Variants in EEF1B2 observed in about 807,000 individuals in gnomAD.
EEF1B2 encodes eukaryotic translation elongation factor 1 beta 2, also known as elongation factor 1-beta.
A neutral mutation model predicts 28.3 loss-of-function variants in EEF1B2; 12 were observed. That is an observed-to-expected ratio of 0.42 (90% CI 0.27 to 0.69). The LOEUF is 0.69. EEF1B2 is among the 30% of genes least tolerant of loss of function. EEF1B2 has a pLI of 0.22. For synonymous variants in EEF1B2, 83 were observed against 99.9 expected (o/e 0.83, Z 1.01); for missense variants, 234 against 272.6 (o/e 0.86, Z 1.00).
intron 1 of EEF1B2, 149 bp from the exon 2 acceptor site, chr2:206,160,439 T>C: frequency 7.2e-7 from 1 of 1,390,170 alleles, no homozygotes; most frequent in Non-Finnish European, 9.7e-7. Flanking sequence ...ATGGTTTGAT[T>C]TGAAGGAGCT....
At chr2:206,162,684 C>G (rs868231442) in intron 5 of EEF1B2, 45 bp from the exon 6 acceptor site, 20 of 1,460,494 alleles carry the variant, frequency 1.4e-5, no homozygotes, top group Non-Finnish European at 1.8e-5. Context: ...TCAACCTTTC[C>G]TACAAGACTT....
intron 5 of EEF1B2, 37 bp from the exon 6 acceptor site, chr2:206,162,692 C>T: frequency 6.2e-7 from 1 of 1,611,062 alleles, no homozygotes. Flanking sequence ...TCCTACAAGA[C>T]TTTTCTAACT....
Position 206,160,642 on chromosome 2 carries a change from G to A in EEF1B2, c.135G>A (p.Pro45=), listed in dbSNP as rs752150272. Residue 45 remains proline (P), a synonymous_variant, in exon 2 of 6, where the codon CCG becomes CCA. Transcript: ENST00000392222. ...TATTTGAAGCCGTGTCCAGCCCACCGCCTGCCGACTTGTGTCATGCCCTAC... is the reference window on the plus strand; with the variant it reads ...TATTTGAAGCCGTGTCCAGCCCACCACCTGCCGACTTGTGTCATGCCCTAC... The part of the protein sequence containing the change: ...VAVFEAVSSP[P]PADLCHALRW... The A allele has an allele frequency of 2.5e-6, 4 of 1,613,724 alleles. No individual in the cohort carries two copies. Among genetic ancestry groups the A allele is most frequent in the Non-Finnish European group, 3.4e-6 (4 of 1,179,962 alleles).
At chr2:206,161,894 TAAA>T (rs1687945075) in intron 3 of EEF1B2, 141 bp from the exon 4 acceptor site, 1 of 796,394 alleles carries the variant, frequency 1.3e-6, no homozygotes. Flanking sequence ...GCATGATGAA[TAAA>T]ATCAAATCAC....
rs2105784757 is a variant in EEF1B2, at chr2:206,160,598, T to G, written c.91T>G (p.Ser31Ala). 6.2e-7 allele frequency: 1 copy of G among 1,613,934 alleles called. No individual in the cohort carries two copies. The highest frequency in any genetic ancestry group is 8.5e-7 in the Non-Finnish European group (1 of 1,179,984). The change falls in exon 2 of 6, where the codon TCA becomes GCA. Residue 31 changes from serine (S) to alanine (A), a missense_variant. Coordinates refer to ENST00000392222, the MANE Select transcript of EEF1B2 (RefSeq NM_001959.4). ...DKSYIEGYVPSQADVAVFEAV... is the reference protein window; with the variant it reads ...DKSYIEGYVPAQADVAVFEAV... ...CTGTGTCCTTGGCAGGTATGTGCCA[T>G]CACAAGCAGATGTGGCAGTATTTGA... is the stretch of plus-strand genomic sequence containing the variant.
In EEF1B2 at chr2:206,159,907, C is replaced by T. The variant is rs770771125; in HGVS notation, c.-73C>T. ...GGTCTCTTCGGGTCCTTTTTCCTCT[C>T]TTCAGCGTGGGGCGCCCACAATTTG... On this transcript the variant is annotated 5_prime_UTR_variant, in exon 1 of 6. Coordinates refer to ENST00000392222, the MANE Select transcript of EEF1B2 (RefSeq NM_001959.4). 58 of 1,564,108 alleles carry T rather than the reference C, an allele frequency of 3.7e-5. No homozygotes were observed. The highest frequency in any genetic ancestry group is 8.3e-5 in the African/African-American group (6 of 72,358).
intron 4 of EEF1B2, 146 bp downstream of exon 4, chr2:206,162,250 C>G (rs1248660608): frequency 3.7e-6 from 4 of 1,071,028 alleles, no homozygotes; most frequent in Non-Finnish European, 5.8e-6. Flanking sequence ...TGGTCTGCAG[C>G]TGTTCTTATG....
Position 206,162,869 on chromosome 2 carries a change from T to C in EEF1B2, c.664T>C (p.Phe222Leu). 6.3e-7 allele frequency: 1 copy of C among 1,593,244 alleles called. No individual in the cohort carries two copies. Among genetic ancestry groups the C allele is most frequent in the East Asian group, 2.2e-5 (1 of 44,852 alleles). Residue 222 changes from phenylalanine to leucine, a missense_variant, in exon 6 of 6, where the codon TTC becomes CTC. Physicochemically the swap from Phe to Leu is conservative, Grantham distance 22. Around this residue, in one of 2 missense-constraint regions of EEF1B2, gnomAD observed 56 missense variants for 99.3 expected, o/e 0.56. Coordinates refer to ENST00000392222, the MANE Select transcript of EEF1B2 (RefSeq NM_001959.4). ...DYVQSMDVAA[F>L]NKI Reference sequence around the variant, plus strand: ...TGTGCAGTCCATGGATGTGGCTGCTTTCAACAAGATCTAAAATCCATCCTG... The same window carrying C: ...TGTGCAGTCCATGGATGTGGCTGCTCTCAACAAGATCTAAAATCCATCCTG...
In EEF1B2 at chr2:206,160,694, G is replaced by A. The variant is rs748907418; in HGVS notation, c.187G>A (p.Glu63Lys). Residue 63 changes from glutamate (E) to lysine (K), a missense_variant, in exon 2 of 6, where the codon GAA becomes AAA. This residue lies in a region of EEF1B2 where 178 missense variants were observed against 173.3 expected (regional missense o/e 1.03). Coordinates refer to ENST00000392222, the MANE Select transcript of EEF1B2 (RefSeq NM_001959.4). ...LRWYNHIKSY[E>K]KEKASLPGVK... ...TTGGTATAATCACATCAAGTCTTAC[G>A]AAAAGGAAAAGGCCAGGTAAAATCA... 18 of 1,613,896 alleles carry A rather than the reference G, an allele frequency of 1.1e-5. No individual in the cohort carries two copies. The highest frequency in any genetic ancestry group is 1.7e-5 in the Admixed American group (1 of 59,982).
intron 4 of EEF1B2, 101 bp from the exon 5 acceptor site, chr2:206,162,388 G>C (rs749302392): frequency 1.3e-6 from 2 of 1,573,636 alleles, no homozygotes; most frequent in South Asian, 2.2e-5. Context: ...TTTGGCTAAG[G>C]AGATAGTCTC....
chr2:206,160,556 G>A, intron 1 of EEF1B2, 32 bp from the exon 2 acceptor site: 2 of 1,613,384 alleles, frequency 1.2e-6, no homozygotes, highest in African/African-American at 1.3e-5. Context: ...GTTTTTCAAA[G>A]GTGTGTGTGA....
At chr2:206,161,869 A>C (rs1242500004) in intron 3 of EEF1B2, 169 bp from the exon 4 acceptor site, 1 of 772,986 alleles carries the variant, frequency 1.3e-6, no homozygotes, top group Non-Finnish European at 2.3e-6. Context: ...TGCCTTTTTC[A>C]AATTCTGACT....
At chr2:206,162,239 CTGGT>C in intron 4 of EEF1B2, 135 bp downstream of exon 4, 1 of 1,090,350 alleles carries the variant, frequency 9.2e-7, no homozygotes, top group Non-Finnish European at 1.4e-6. Context: ...TCCACAGCTA[CTGGT>C]CTGCAGCTGT....
At chr2:206,161,623 A>G (rs941866600) in intron 3 of EEF1B2, 151 bp downstream of exon 3, 1 of 987,430 alleles carries the variant, frequency 1.0e-6, no homozygotes, top group African/African-American at 1.6e-5. Context: ...TGTACTAAAA[A>G]TACAAAAAAA....
chr2:206,162,653 A>G, intron 5 of EEF1B2, 39 bp downstream of exon 5: 1 of 1,593,470 alleles, frequency 6.3e-7, no homozygotes, highest in Non-Finnish European at 8.5e-7. Flanking sequence ...TGAAACTAAC[A>G]TCTGGAATTT....
Position 206,160,164 on chromosome 2 carries a change from C to CT in EEF1B2, c.80+105_80+106insT, listed in dbSNP as rs765487959. ...GCCGCGGGAGGGAGGGAGGCCGGGCCCGGGGCCCTTTCGAGAGGGAGGGGA... is the reference window on the plus strand; with the variant it reads ...GCCGCGGGAGGGAGGGAGGCCGGGCCTCGGGGCCCTTTCGAGAGGGAGGGGA... On this transcript the variant is annotated intron_variant, in intron 1 of 5. Transcript: ENST00000392222. The CT allele has an allele frequency of 5.6e-6, 8 of 1,424,450 alleles. No homozygotes were observed. In the Middle Eastern group the frequency reaches 9.9e-4, roughly 176 times the overall value. The allele number at this position is 1,424,450 out of a possible 1,614,324, so 88.2% of individuals were successfully genotyped here. A position where few individuals can be genotyped will look rare whatever the true frequency, so the allele number is the denominator to read the frequency against.
chr2:206,161,381 G>A lies in EEF1B2; in HGVS notation c.239G>A (p.Gly80Asp). ...GTGAAGAAAGCTTTGGGCAAATATG[G>A]TCCTGCCGATGTGGAAGACACTACA... is the stretch of plus-strand genomic sequence containing the variant. The part of the protein sequence containing the change: ...PGVKKALGKY[G>D]PADVEDTTGS... Residue 80 changes from glycine to aspartate, a missense_variant, in exon 3 of 6, where the codon GGT (glycine) becomes GAT (aspartate). This residue lies in a region of EEF1B2 where 178 missense variants were observed against 173.3 expected (regional missense o/e 1.03). Transcript: ENST00000392222. The A allele has an allele frequency of 1.2e-6, 2 of 1,614,116 alleles. No homozygotes were observed. Among genetic ancestry groups the A allele is most frequent in the Non-Finnish European group, 1.7e-6 (2 of 1,180,016 alleles).
At chr2:206,159,842 G>GA, upstream of EEF1B2, 1 of 930,594 alleles carries the variant, frequency 1.1e-6, no homozygotes, top group Non-Finnish European at 1.6e-6. Flanking sequence ...GTCCGGCGCG[G>GA]TGGAGGGAAA....
Position 206,162,905 on chromosome 2 carries a change from T to C in EEF1B2, c.*22T>C, listed in dbSNP as rs1687975608. On this transcript the variant is annotated 3_prime_UTR_variant, in exon 6 of 6. Coordinates refer to ENST00000392222, the MANE Select transcript of EEF1B2 (RefSeq NM_001959.4). ...CTAAAATCCATCCTGGATCATGGCA[T>C]TTAAATAAAAGATTGAAAGATTACC... 2 of 1,587,680 alleles carry C rather than the reference T, an allele frequency of 1.3e-6. No individual in the cohort carries two copies. The highest frequency in any genetic ancestry group is 1.7e-6 in the Non-Finnish European group (2 of 1,175,160).
Sources: gnomAD v4.1 joint callset for allele counts on GRCh38, gnomAD v4.1.1 for gene constraint, gnomAD v4.1.1 regional missense constraint, MANE v1.5 for transcripts, NCBI Gene and HGNC (gene_info 2026-07-23, HGNC 2026-07-21) for gene names.